Variants in MDN1 observed in about 807,000 individuals in gnomAD.
The protein encoded by MDN1 is midasin AAA ATPase 1.
In MDN1, 266 loss-of-function variants were observed where a neutral mutation model predicts 669.2. The ratio of observed to expected loss-of-function variants is 0.40; its 90% CI spans 0.36 to 0.44. The LOEUF is 0.44. MDN1 is among the 20% of genes least tolerant of loss of function. The pLI is 1.00. For synonymous variants in MDN1, 2,385 were observed against 2,457.1 expected (o/e 0.97, Z 0.87); for missense variants, 5,940 against 6,754.0 (o/e 0.88, Z 4.22).
At position 89,662,210 on chromosome 6, in the gene MDN1, G is replaced by A; in HGVS notation, c.14442C>T (p.Asp4814=). 1 of 1,612,246 alleles carries A rather than the reference G, an allele frequency of 6.2e-7. No homozygotes were observed. The highest frequency in any genetic ancestry group is 8.5e-7 in the Non-Finnish European group (1 of 1,179,624). Residue 4814 remains aspartate, a synonymous_variant, in exon 87 of 102, where the codon GAC becomes GAT. Transcript: ENST00000369393. The part of the protein sequence containing the change: ...EEDSELVAKD[D]NLDSGNSNKD... ...TGTTTGAATTGCCACTATCCAAGTT[G>A]TCATCTTTAGCAACAAGTTCAGAAT...
At chr6:89,807,718 A>G (rs1768108734) in intron 1 of MDN1, among the ~76,000 whole-genome samples, 1 of 152,166 alleles carries the variant, frequency 6.6e-6, no homozygotes, top group African/African-American at 2.4e-5. Flanking sequence ...AGACTAGTTG[A>G]TAATGCCTCA....
At chr6:89,746,392 G>C (rs1338089690) in intron 27 of MDN1, among the ~76,000 whole-genome samples, 2 of 151,936 alleles carry the variant, frequency 1.3e-5, no homozygotes, top group Non-Finnish European at 2.9e-5. Context: ...AGACCAGCCT[G>C]GCCAACATGG....
rs1554202357 is a variant in MDN1, at chr6:89,810,021, A to AT, written c.103-6468_103-6467insA. ...AAAAAAAAAAAAAAAAAAAAAAAAA[A>AT]AAAAATTAAGTTTGGAAGATTATAT... On this transcript the variant is annotated intron_variant, in intron 1 of 101. Transcript: ENST00000369393. Among the ~76,000 whole-genome samples, 9 of 144,480 alleles carry AT rather than the reference A, an allele frequency of 6.2e-5. 1 individual carries two copies. Among genetic ancestry groups the AT allele is most frequent in the East Asian group, 3.9e-4 (2 of 5,066 alleles). 94.8% of individuals were successfully genotyped at this position (144,480 alleles called of 152,430 possible).
intron 15 of MDN1, among the ~76,000 whole-genome samples, chr6:89,767,120 T>C (rs1817838102): frequency 6.6e-6 from 1 of 152,194 alleles, no homozygotes; most frequent in African/African-American, 2.4e-5. Context: ...AAGTCTTCCA[T>C]GCCCTCTACT....
chr6:89,649,906 TTTAGCCATATCATATTTAAAGCA>T (rs1350867335), intron 97 of MDN1, 95 bp downstream of exon 97: 584 of 1,057,568 alleles, frequency 5.5e-4, no homozygotes, highest in Non-Finnish European at 5.6e-4. Flanking sequence ...TTCAAAATGT[TTTAGCCATATCATATTTAAAGCA>T]TTAGCCATAT....
At chr6:89,765,008 G>T (rs1173159732) in intron 15 of MDN1, among the ~76,000 whole-genome samples, 1 of 152,184 alleles carries the variant, frequency 6.6e-6, no homozygotes, top group Non-Finnish European at 1.5e-5. Flanking sequence ...CGGTGGCCCA[G>T]CACTTTGGGA....
At chr6:89,791,181 C>CA (rs1278139191) in intron 5 of MDN1, among the ~76,000 whole-genome samples, 2 of 151,860 alleles carry the variant, frequency 1.3e-5, no homozygotes, top group East Asian at 3.9e-4. Context: ...TTTAAGTAGC[C>CA]AAAAAAGCTG....
intron 2 of MDN1, among the ~76,000 whole-genome samples, chr6:89,800,414 C>T (rs370660876): frequency 1.6e-4 from 24 of 151,896 alleles, no homozygotes; most frequent in South Asian, 8.3e-4. Flanking sequence ...GCAACAACAG[C>T]GAAACTCCAT....
Position 89,656,791 on chromosome 6 carries a change from C to A in MDN1, c.15194G>T (p.Ser5065Ile), listed in dbSNP as rs1809336904. Residue 5065 changes from serine (S) to isoleucine (I), a missense_variant, in exon 91 of 102, where the codon AGT (serine) becomes ATT (isoleucine). Around this residue, in one of 5 missense-constraint regions of MDN1, gnomAD observed 2,280 missense variants for 2,576.3 expected, o/e 0.88. Coordinates refer to ENST00000369393, the MANE Select transcript of MDN1 (RefSeq NM_014611.3). ...TGCCTGGTTTGCATCTGCAGCTCCA[C>A]TTCCGTGTTCCTAGGAAATCCAAGC... is the stretch of plus-strand genomic sequence containing the variant. ...EKEQGKEEHG[S>I]GAADANQAEG... 1 of 1,612,310 alleles carries A rather than the reference C, an allele frequency of 6.2e-7. No homozygotes were observed. The highest frequency in any genetic ancestry group is 2.2e-5 in the East Asian group (1 of 44,848).
intron 5 of MDN1, among the ~76,000 whole-genome samples, chr6:89,792,384 G>A (rs146101644): frequency 2.2e-3 from 333 of 152,212 alleles, no homozygotes; most frequent in African/African-American, 7.3e-3. Context: ...TCTACCCTGC[G>A]CTTTGGCCCC....
In MDN1 at chr6:89,809,215, CAA is replaced by C. The variant is rs1167270500; in HGVS notation, c.103-5663_103-5662del. ...CTGGGTGACAGGTGAGACACTGTCT[CAA>C]AAAAAAAAAAAAAAAAAAAAAAGAA... On this transcript the variant is annotated intron_variant, in intron 1 of 101. Transcript: ENST00000369393. 3.6e-3 allele frequency among the ~76,000 whole-genome samples: 215 copies of C among 59,252 alleles called. 1 individual carries two copies. The highest frequency in any genetic ancestry group is 0.01 in the South Asian group (15 of 1,466). The allele number at this position is 59,252 out of a possible 152,430, so 38.9% of individuals were successfully genotyped here.
chr6:89,782,163 A>C lies in MDN1; in HGVS notation c.1450-571T>G, dbSNP rs532477326. ...TCTACAATACAGTTTCAGCGGTAGA[A>C]GTCATGTTAAAAGGTTCTCCAAGTA... On this transcript the variant is annotated intron_variant, in intron 9 of 101. Coordinates refer to ENST00000369393, the MANE Select transcript of MDN1 (RefSeq NM_014611.3). Among the ~76,000 whole-genome samples the C allele has an allele frequency of 2.0e-5, 3 of 152,292 alleles. No individual in the cohort carries two copies. In the East Asian group the frequency reaches 5.8e-4, roughly 29 times the overall value.
At chr6:89,803,964 C>T (rs563843649) in intron 1 of MDN1, among the ~76,000 whole-genome samples, 4 of 129,814 alleles carry the variant, frequency 3.1e-5, no homozygotes, top group East Asian at 2.6e-4. Context: ...TGCAGTGGCA[C>T]GATTTTGGCT....
At chr6:89,703,351 A>G (rs892148770) in intron 53 of MDN1, among the ~76,000 whole-genome samples, 4 of 129,280 alleles carry the variant, frequency 3.1e-5, no homozygotes, top group African/African-American at 1.1e-4. Context: ...AACAAAAATA[A>G]CTGACCATGT....
intron 9 of MDN1, 122 bp downstream of exon 9, chr6:89,784,890 A>G: frequency 1.5e-6 from 1 of 649,900 alleles, no homozygotes; most frequent in Non-Finnish European, 2.7e-6. Flanking sequence ...ACAGTAAAAT[A>G]CTAGCACACA....
chr6:89,645,049 A>G lies in MDN1; in HGVS notation c.16568T>C (p.Val5523Ala). 6.2e-7 allele frequency: 1 copy of G among 1,609,306 alleles called. No individual in the cohort carries two copies. The highest frequency in any genetic ancestry group is 1.3e-5 in the African/African-American group (1 of 75,002). Residue 5523 changes from valine to alanine, a missense_variant, in exon 101 of 102, where the codon GTC becomes GCC. Physicochemically the swap from Val to Ala is moderately conservative, Grantham distance 64. Transcript: ENST00000369393. ...GGGATTGTCCAATACAACAAAGATG[A>G]CAAAGATATTTGCATTCCGGGCAGC... is the stretch of plus-strand genomic sequence containing the variant. Reference protein sequence around the residue: ...VQAARNANIFVIFVVLDNPSS... With the variant: ...VQAARNANIFAIFVVLDNPSS...
At chr6:89,669,398 T>C (rs1227917026) in intron 83 of MDN1, among the ~76,000 whole-genome samples, 1 of 152,202 alleles carries the variant, frequency 6.6e-6, no homozygotes, top group East Asian at 1.9e-4. Context: ...TTTATTATTA[T>C]TATTATTACT....
chr6:89,766,407 CA>C (rs904265207), intron 15 of MDN1, among the ~76,000 whole-genome samples: 1 of 151,894 alleles, frequency 6.6e-6, no homozygotes, highest in Non-Finnish European at 1.5e-5. Flanking sequence ...ACATACATTT[CA>C]AAAAAGAATA....
At chr6:89,743,979 T>G (rs1816431533) in intron 29 of MDN1, among the ~76,000 whole-genome samples, 1 of 151,988 alleles carries the variant, frequency 6.6e-6, no homozygotes, top group Non-Finnish European at 1.5e-5. Flanking sequence ...GCCTCACGCC[T>G]GTAACCCTAG....
Sources: gnomAD v4.1 joint callset for allele counts (sites outside exome capture counted in the v4.1 genomes callset) on GRCh38, gnomAD v4.1.1 for gene constraint, gnomAD v4.1.1 regional missense constraint, MANE v1.5 for transcripts, NCBI Gene and HGNC (gene_info 2026-07-23, HGNC 2026-07-21) for gene names.